The following IFT140 variants were observed in gnomAD, a reference collection of about 807,000 sequenced individuals.
The protein encoded by IFT140 is intraflagellar transport 140.
Under a neutral mutation model 164.6 loss-of-function variants are expected in IFT140, and 133 were observed. That is an observed-to-expected ratio of 0.81 (90% CI 0.70 to 0.93). The LOEUF is 0.93. IFT140 is among the 40% of genes least tolerant of loss of function. IFT140 has a pLI of 0.00. For missense variants in IFT140, 2,045 were observed against 1,972.3 expected (o/e 1.04, Z -0.70); for synonymous variants, 860 against 817.3 (o/e 1.05, Z -0.89).
At chr16:1,542,779 G>A (rs1279280710) in intron 19 of IFT140, among the ~76,000 whole-genome samples, 2 of 152,378 alleles carry the variant, frequency 1.3e-5, no homozygotes, top group East Asian at 1.9e-4. Context: ...TCCCCAAGCC[G>A]CCATGTGAGT....
At chr16:1,560,892 CTG>C (rs1295731704) in intron 18 of IFT140, among the ~76,000 whole-genome samples, 3 of 152,232 alleles carry the variant, frequency 2.0e-5, no homozygotes, top group East Asian at 3.8e-4. Context: ...AGAGAAGACT[CTG>C]TGCGTGTTGT....
chr16:1,607,015 C>A, intron 3 of IFT140, 105 bp downstream of exon 3: 2 of 1,135,600 alleles, frequency 1.8e-6, no homozygotes, highest in Middle Eastern at 2.0e-4. Context: ...CACACACACA[C>A]CCATAGGCAC....
At chr16:1,541,909 C>G (rs763421657) in intron 19 of IFT140, 1 of 1,581,532 alleles carries the variant, frequency 6.3e-7, no homozygotes, top group Non-Finnish European at 8.6e-7. Context: ...CCTCTCTGCT[C>G]TTGGCCCACA....
In IFT140 at chr16:1,566,274, A is replaced by C; in HGVS notation, c.1788T>G (p.Asp596Glu). 6.2e-7 allele frequency: 1 copy of C among 1,613,596 alleles called. No individual in the cohort carries two copies. Among genetic ancestry groups the C allele is most frequent in the Non-Finnish European group, 8.5e-7 (1 of 1,179,586 alleles). ...CAACATCGTAGAAGCAGATTTTGGAATCAGGGCTGTTGTCAGCCTAGGAGA... is the reference window on the plus strand; with the variant it reads ...CAACATCGTAGAAGCAGATTTTGGACTCAGGGCTGTTGTCAGCCTAGGAGA... ...ILPSKADNSP[D>E]SKICFYDVEM... is the part of the protein sequence containing the mutation. Residue 596 changes from aspartate to glutamate, a missense_variant, in exon 16 of 31, where the codon GAT becomes GAG. Transcript: ENST00000426508.
intron 19 of IFT140, chr16:1,532,423 CT>C (rs1273695560): frequency 1.3e-5 from 2 of 152,344 alleles, no homozygotes; most frequent in African/African-American, 4.8e-5. Context: ...TGCTGCCTTT[CT>C]GGAACAGACA....
At position 1,533,340 on chromosome 16, in the gene IFT140, G is replaced by A. The variant is rs1483467181; in HGVS notation, c.2400-6544C>T. On this transcript the variant is annotated intron_variant, in intron 19 of 30. Transcript: ENST00000426508. This position sits in a 1 kb window ranked among gnomAD's most constrained non-coding sequence, Gnocchi z 4.7. The stretch of plus-strand genomic sequence containing the variant: ...GGTCCTGGGGGTACCTATGGTCCTG[G>A]GGGCAACTGGATGGCTGGGGGGTGT... 2 of 152,114 alleles carry A rather than the reference G, an allele frequency of 1.3e-5. No individual in the cohort carries two copies. The highest frequency in any genetic ancestry group is 3.9e-4 in the East Asian group (2 of 5,148). The allele number at this position is 152,114 out of a possible 1,614,324, so 9.4% of individuals were successfully genotyped here.
intron 19 of IFT140, chr16:1,554,764 C>T: frequency 6.2e-7 from 1 of 1,612,920 alleles, no homozygotes; most frequent in Non-Finnish European, 8.5e-7. Context: ...GGCCTCTCAA[C>T]CCTTCTCTCA....
chr16:1,592,064 G>T, intron 6 of IFT140, 112 bp downstream of exon 6: 1 of 1,158,130 alleles, frequency 8.6e-7, no homozygotes, highest in Non-Finnish European at 1.2e-6. Flanking sequence ...TGTGCAGCCT[G>T]CTGCTATCAC....
rs371515725 is a variant in IFT140, at chr16:1,523,997, G to A, written c.3142-41C>T. On this transcript the variant is annotated intron_variant, in intron 24 of 30. Coordinates refer to ENST00000426508, the MANE Select transcript of IFT140 (RefSeq NM_014714.4). ...CAGGGCCCTGAAGCGGCTCCCACTG[G>A]CTTCCCCAGGTCCGCTGAGATTCTG... The A allele has an allele frequency of 1.8e-5, 28 of 1,596,946 alleles. No individual in the cohort carries two copies. The African/African-American group carries it at 3.5e-4, about 20-fold the overall frequency.
intron 17 of IFT140, among the ~76,000 whole-genome samples, chr16:1,563,448 A>C (rs944412527): frequency 2.0e-5 from 3 of 150,812 alleles, no homozygotes; most frequent in Non-Finnish European, 4.4e-5. Flanking sequence ...GAGAGACTCA[A>C]AAAACAAACA....
chr16:1,525,927 G>T lies in IFT140; in HGVS notation c.2728C>A (p.His910Asn). The T allele has an allele frequency of 6.4e-7, 1 of 1,569,280 alleles. No homozygotes were observed. Among genetic ancestry groups the T allele is most frequent in the Non-Finnish European group, 8.6e-7 (1 of 1,159,048 alleles). The change falls in exon 21 of 31, where the codon CAC becomes AAC. Residue 910 changes from histidine to asparagine, a missense_variant. By Grantham distance (68) the His-to-Asn change is moderately conservative (BLOSUM62 1). Coordinates refer to ENST00000426508, the MANE Select transcript of IFT140 (RefSeq NM_014714.4). The part of the protein sequence containing the change: ...LRSTYHRYAG[H>N]LEASADCSRA... Reference sequence around the variant, plus strand: ...CTGCAGTCGGCGCTGGCCTCCAGGTGCCCGGCATAGCGGTGGTAGGTGCTG... The same window carrying T: ...CTGCAGTCGGCGCTGGCCTCCAGGTTCCCGGCATAGCGGTGGTAGGTGCTG...
rs1046008791 is a variant in IFT140, at chr16:1,551,662, C to G, written c.2399+6273G>C. The stretch of plus-strand genomic sequence containing the variant: ...GCACATTCCTCACTGTCGAACCCAA[C>G]TTCAGGACATGCTTGTTCACGGAAG... On this transcript the variant is annotated intron_variant, in intron 19 of 30. Coordinates refer to ENST00000426508, the MANE Select transcript of IFT140 (RefSeq NM_014714.4). This position sits in a 1 kb window ranked among gnomAD's most constrained non-coding sequence, Gnocchi z 4.0. 2.0e-5 allele frequency among the ~76,000 whole-genome samples: 3 copies of G among 152,218 alleles called. No homozygotes were observed. Among genetic ancestry groups the G allele is most frequent in the Middle Eastern group, 6.3e-3 (2 of 316 alleles).
intron 19 of IFT140, chr16:1,554,692 C>T: frequency 6.6e-7 from 1 of 1,526,350 alleles, no homozygotes; most frequent in Non-Finnish European, 8.9e-7. Flanking sequence ...ATAAAGCAGG[C>T]TGGAACCTGC....
At chr16:1,541,521 G>A in intron 19 of IFT140, 1 of 984,912 alleles carries the variant, frequency 1.0e-6, no homozygotes, top group Middle Eastern at 5.2e-4. Flanking sequence ...CTTGGATGCT[G>A]TGAATTCAGT....
chr16:1,526,732 C>T lies in IFT140; in HGVS notation c.2464G>A (p.Val822Met), dbSNP rs1157116921. ...VKTQRLDVAK[V>M]CLGNMGHARG... Reference sequence around the variant, plus strand: ...GCATGGCCCATGTTCCCCAGGCACACCTTGGCCACGTCCAGCCGCTGGGTC... The same window carrying T: ...GCATGGCCCATGTTCCCCAGGCACATCTTGGCCACGTCCAGCCGCTGGGTC... Residue 822 changes from valine (V) to methionine (M), a missense_variant, in exon 20 of 31, where the codon GTG becomes ATG. Val to Met is a conservative substitution (Grantham distance 21, BLOSUM62 1). Coordinates refer to ENST00000426508, the MANE Select transcript of IFT140 (RefSeq NM_014714.4). 2.5e-6 allele frequency: 4 copies of T among 1,609,570 alleles called. No homozygotes were observed. In the African/African-American group the frequency reaches 4.0e-5, roughly 16 times the overall value.
At chr16:1,539,543 T>G (rs1035092043) in intron 19 of IFT140, among the ~76,000 whole-genome samples, 2 of 152,286 alleles carry the variant, frequency 1.3e-5, no homozygotes, top group African/African-American at 4.8e-5. Flanking sequence ...GGGAACCCCT[T>G]GGCCACCAGG....
intron 19 of IFT140, chr16:1,542,091 G>A (rs775192750): frequency 6.2e-5 from 98 of 1,586,870 alleles, no homozygotes; most frequent in African/African-American, 3.6e-4. Flanking sequence ...GTACCTGGGC[G>A]GGTGTGGCCA....
chr16:1,519,160 G>A (rs114888355), intron 29 of IFT140, among the ~76,000 whole-genome samples: 1,896 of 152,316 alleles, frequency 0.012, 41 homozygotes, highest in African/African-American at 0.043. Flanking sequence ...GAATCGACAC[G>A]TGCAGGTGGA....
chr16:1,539,753 CAGT>C (rs887054465), intron 19 of IFT140, among the ~76,000 whole-genome samples: 1 of 152,226 alleles, frequency 6.6e-6, no homozygotes, highest in Non-Finnish European at 1.5e-5. Context: ...ATGGCCCTGT[CAGT>C]GGTGCCTGCC....
Sources: gnomAD v4.1 joint callset for allele counts (sites outside exome capture counted in the v4.1 genomes callset) on GRCh38, gnomAD v4.1.1 for gene constraint, Gnocchi (gnomAD v3.1) non-coding constraint, MANE v1.5 for transcripts, NCBI Gene and HGNC (gene_info 2026-07-23, HGNC 2026-07-21) for gene names.